The following DSCAM variants were observed in gnomAD, a reference collection of about 807,000 sequenced individuals.
DSCAM encodes cell adhesion molecule DSCAM.
A neutral mutation model predicts 217.7 loss-of-function variants in DSCAM; 47 were observed. The ratio of observed to expected loss-of-function variants is 0.22; its 90% CI spans 0.17 to 0.28. DSCAM has a LOEUF of 0.28. DSCAM is among the 10% of genes least tolerant of loss of function. The pLI, the probability that DSCAM is intolerant of heterozygous loss-of-function variation, is 1.00. For synonymous variants in DSCAM, 1,056 were observed against 1,015.3 expected (o/e 1.04, Z -0.76); for missense variants, 2,080 against 2,618.3 (o/e 0.79, Z 4.49).
rs145312441 is a variant in DSCAM, at chr21:40,325,439, T to C, written c.1783+12662A>G. Among the ~76,000 whole-genome samples, 484 of 151,810 alleles carry C rather than the reference T, an allele frequency of 3.2e-3. 2 individuals are homozygous for C. The highest frequency in any genetic ancestry group is 3.9e-3 in the Non-Finnish European group (266 of 67,928). Reference sequence around the variant, plus strand: ...GACATAGAACAAATACAGAAAAAAATAGGAATGCATCTTCATGAGCTCATA... The same window carrying C: ...GACATAGAACAAATACAGAAAAAAACAGGAATGCATCTTCATGAGCTCATA... On this transcript the variant is annotated intron_variant, in intron 8 of 32. Transcript: ENST00000400454.
chr21:40,750,773 C>T (rs1416274157), intron 1 of DSCAM, among the ~76,000 whole-genome samples: 1 of 152,166 alleles, frequency 6.6e-6, no homozygotes, highest in East Asian at 1.9e-4. Flanking sequence ...ACTGCTCAGG[C>T]TACAGTCCTT....
chr21:40,384,179 A>G (rs977377280), intron 3 of DSCAM: 1 of 152,564 alleles, frequency 6.6e-6, no homozygotes. Flanking sequence ...TGGTGCTAGG[A>G]TAGTGGCAGA....
Position 40,013,220 on chromosome 21 carries a change from G to A in DSCAM, c.5853C>T (p.Ala1951=), listed in dbSNP as rs1159417739. The change falls in exon 33 of 33, where the codon GCC becomes GCT. Residue 1951 remains alanine (A), a synonymous_variant. Transcript: ENST00000400454. ...TVLEPIPMEA[A]SSASSTREGQ... ...CTTCTCTCGTGGAGGAGGCGGAGGA[G>A]GCGGCTTCCATCGGGATGGGCTCCA... 1 of 1,613,836 alleles carries A rather than the reference G, an allele frequency of 6.2e-7. No homozygotes were observed. Among genetic ancestry groups the A allele is most frequent in the Admixed American group, 1.7e-5 (1 of 59,980 alleles).
intron 3 of DSCAM, among the ~76,000 whole-genome samples, chr21:40,380,883 G>A (rs1389470220): frequency 2.6e-5 from 4 of 151,746 alleles, no homozygotes; most frequent in African/African-American, 9.7e-5. Flanking sequence ...CTAACACGGT[G>A]AAACCCCGTC....
intron 2 of DSCAM, among the ~76,000 whole-genome samples, chr21:40,694,328 G>A (rs901555634): frequency 1.3e-5 from 2 of 152,070 alleles, no homozygotes; most frequent in African/African-American, 2.4e-5. Context: ...CTCACTTAAA[G>A]AATTAATCAC....
chr21:40,190,145 C>G (rs772356527), intron 11 of DSCAM, among the ~76,000 whole-genome samples: 1 of 152,152 alleles, frequency 6.6e-6, no homozygotes, highest in Non-Finnish European at 1.5e-5. Context: ...GAAAAGGGAA[C>G]CCTTTATTTG....
intron 20 of DSCAM, among the ~76,000 whole-genome samples, chr21:40,102,411 G>A (rs1255594797): frequency 2.0e-5 from 3 of 152,152 alleles, no homozygotes; most frequent in Non-Finnish European, 4.4e-5. Context: ...GTATGTTACT[G>A]CTTTAGGTCT....
intron 3 of DSCAM, among the ~76,000 whole-genome samples, chr21:40,454,711 G>C (rs2075749285): frequency 6.6e-6 from 1 of 152,344 alleles, no homozygotes; most frequent in East Asian, 1.9e-4. Context: ...GGTCTCTGCA[G>C]TATCTCAGGC....
At chr21:40,613,064 G>C (rs2089337611) in intron 3 of DSCAM, among the ~76,000 whole-genome samples, 1 of 152,200 alleles carries the variant, frequency 6.6e-6, no homozygotes, top group Non-Finnish European at 1.5e-5. Context: ...ATGGTGTGTA[G>C]TATGTGATGA....
Position 40,123,971 on chromosome 21 carries a change from C to G in DSCAM, c.3696+224G>C, listed in dbSNP as rs545130471. 9.9e-5 allele frequency among the ~76,000 whole-genome samples: 15 copies of G among 152,218 alleles called. No homozygotes were observed. The East Asian group carries it at 2.9e-3, about 29-fold the overall frequency. Reference sequence around the variant, plus strand: ...GTTTAGTGGGAACTCACCAAATAAACAATAATTCCAGACAATTGTCCCCCT... The same window carrying G: ...GTTTAGTGGGAACTCACCAAATAAAGAATAATTCCAGACAATTGTCCCCCT... On this transcript the variant is annotated intron_variant, in intron 20 of 32. Transcript: ENST00000400454.
chr21:40,262,878 C>A (rs2073472683), intron 11 of DSCAM, among the ~76,000 whole-genome samples: 1 of 152,208 alleles, frequency 6.6e-6, no homozygotes, highest in Admixed American at 6.5e-5. Flanking sequence ...TGAAAAGAAT[C>A]AGGCAGCTCC....
chr21:40,712,950 C>T (rs187634175), intron 1 of DSCAM, among the ~76,000 whole-genome samples: 56 of 152,318 alleles, frequency 3.7e-4, no homozygotes, highest in Admixed American at 3.2e-3. Flanking sequence ...GTGAATTCTG[C>T]TCCCCTGTGA....
At chr21:40,677,403 C>T (rs1024161688) in intron 3 of DSCAM, among the ~76,000 whole-genome samples, 1 of 151,786 alleles carries the variant, frequency 6.6e-6, no homozygotes, top group African/African-American at 2.4e-5. Context: ...AAGTGGGAGC[C>T]GGGGGGTGAG....
chr21:40,723,838 T>C (rs556844834), intron 1 of DSCAM, among the ~76,000 whole-genome samples: 30 of 152,326 alleles, frequency 2.0e-4, no homozygotes, highest in African/African-American at 7.2e-4. Flanking sequence ...TTTAGCTACT[T>C]TGTGTAAGAA....
At chr21:40,346,980 G>A (rs2074564452) in intron 6 of DSCAM, among the ~76,000 whole-genome samples, 1 of 152,104 alleles carries the variant, frequency 6.6e-6, no homozygotes, top group Non-Finnish European at 1.5e-5. Flanking sequence ...TACATCTAGT[G>A]GAAAGGGGCC....
At chr21:40,040,368 G>GC (rs1214093498) in intron 32 of DSCAM, among the ~76,000 whole-genome samples, 1 of 152,184 alleles carries the variant, frequency 6.6e-6, no homozygotes, top group African/African-American at 2.4e-5. Context: ...AATATGAGCA[G>GC]CGTGCCATCA....
chr21:40,377,683 T>G (rs906171737), intron 3 of DSCAM, among the ~76,000 whole-genome samples: 4 of 151,744 alleles, frequency 2.6e-5, no homozygotes, highest in Non-Finnish European at 5.9e-5. Flanking sequence ...AACTGAAGTT[T>G]AGTAACTCCC....
chr21:40,430,684 G>A (rs1181604328), intron 3 of DSCAM, among the ~76,000 whole-genome samples: 1 of 152,156 alleles, frequency 6.6e-6, no homozygotes, highest in East Asian at 1.9e-4. Context: ...TAATACAACA[G>A]TGAAGAGTGG....
intron 1 of DSCAM, among the ~76,000 whole-genome samples, chr21:40,731,604 T>G (rs1364670820): frequency 6.6e-6 from 1 of 152,148 alleles, no homozygotes; most frequent in Non-Finnish European, 1.5e-5. Flanking sequence ...GTCTTCTCAA[T>G]GTATGTTCAC....
Sources: allele counts gnomAD v4.1 joint callset (sites outside exome capture counted in the v4.1 genomes callset), GRCh38; gene constraint gnomAD v4.1.1; transcripts MANE v1.5; gene names NCBI Gene and HGNC (gene_info 2026-07-23, HGNC 2026-07-21).